The following SYT14 variants were observed in gnomAD, a reference collection of about 807,000 sequenced individuals.
The protein encoded by SYT14 is synaptotagmin-14.
SYT14 carries 32 observed loss-of-function variants against 74.2 expected under a neutral mutation model. The observed-to-expected ratio is 0.43, with a 90% CI of 0.33 to 0.58. The LOEUF (loss-of-function observed/expected upper bound fraction) is 0.58, where lower values mean the gene tolerates loss of function less well. SYT14 is among the 20% of genes least tolerant of loss of function. The pLI, the probability that SYT14 is intolerant of heterozygous loss-of-function variation, is 0.05. For missense variants in SYT14, 791 were observed against 981.8 expected, an observed-to-expected ratio of 0.81 and a Z score of 2.60; for synonymous variants, 298 against 337.7, an observed-to-expected ratio of 0.88 and a Z score of 1.29.
chr1:210,058,365 T>G (rs1194031946), intron 5 of SYT14, among the ~76,000 whole-genome samples: 1 of 152,236 alleles, frequency 6.6e-6, no homozygotes, highest in African/African-American at 2.4e-5. Context: ...GTTACAGCTC[T>G]TCTGCCTCAT....
At chr1:210,030,578 C>A (rs1459930876) in intron 5 of SYT14, among the ~76,000 whole-genome samples, 1 of 152,114 alleles carries the variant, frequency 6.6e-6, no homozygotes. Context: ...CCTTTTATTT[C>A]TTTTTCTTGC....
At chr1:210,087,143 G>C (rs574989722) in intron 5 of SYT14, among the ~76,000 whole-genome samples, 41 of 152,102 alleles carry the variant, frequency 2.7e-4, no homozygotes, top group African/African-American at 8.9e-4. Context: ...CTTCCTGCCT[G>C]AGTTTTAGTA....
chr1:210,157,787 A>T (rs1031392305), intron 8 of SYT14, among the ~76,000 whole-genome samples: 2 of 151,722 alleles, frequency 1.3e-5, no homozygotes, highest in African/African-American at 2.4e-5. Context: ...AATTAAAATT[A>T]AAAAATAAAG....
chr1:210,017,079 C>A, exon 4 of SYT14: 1 of 1,231,618 alleles, frequency 8.1e-7, no homozygotes, highest in South Asian at 4.1e-5. Context: ...GAAAAATATT[C>A]TAAGATAATA....
chr1:209,956,266 C>T (rs909113568), intron 2 of SYT14, among the ~76,000 whole-genome samples: 1 of 123,100 alleles, frequency 8.1e-6, no homozygotes, highest in African/African-American at 3.4e-5. Context: ...CTGTTAGCTG[C>T]TGCACTGAAC....
At position 210,018,009 on chromosome 1, in the gene SYT14, T is replaced by C. The variant is rs553060597; in HGVS notation, c.1096+910T>C. Among the ~76,000 whole-genome samples, 6 of 152,370 alleles carry C rather than the reference T, an allele frequency of 3.9e-5. No individual in the cohort carries two copies. The South Asian group carries it at 1.2e-3, about 32-fold the overall frequency. ...GACTACATACATAATAGGGATCTGC[T>C]ATTTATCTATTATATGAGTGGTTTT... On this transcript the variant is annotated intron_variant, in intron 4 of 9. Coordinates refer to ENST00000637265, the Ensembl canonical transcript of SYT14.
At chr1:209,966,138 G>C (rs749569116) in intron 2 of SYT14, 1 of 326,436 alleles carries the variant, frequency 3.1e-6, no homozygotes, top group Non-Finnish European at 6.0e-6. Flanking sequence ...GCAAAGTGCT[G>C]AGGTTACAGG....
chr1:209,987,674 C>A (rs2079594958), intron 2 of SYT14, among the ~76,000 whole-genome samples: 1 of 152,196 alleles, frequency 6.6e-6, no homozygotes, highest in Non-Finnish European at 1.5e-5. Context: ...TTTTGTGTGA[C>A]TCAAAGTTGT....
At chr1:210,124,162 C>G (rs1242090417) in intron 7 of SYT14, among the ~76,000 whole-genome samples, 2 of 151,178 alleles carry the variant, frequency 1.3e-5, no homozygotes, top group African/African-American at 4.9e-5. Flanking sequence ...TGACAGAGAT[C>G]ATATGCTCAT....
intron 5 of SYT14, among the ~76,000 whole-genome samples, chr1:210,025,725 G>A (rs186155915): frequency 3.9e-5 from 6 of 152,182 alleles, no homozygotes; most frequent in African/African-American, 9.6e-5. Flanking sequence ...TTCCTACTAC[G>A]TGCCTCAGTC....
exon 8 of SYT14, chr1:210,155,873 C>A: frequency 6.2e-7 from 1 of 1,614,116 alleles, no homozygotes; most frequent in Non-Finnish European, 8.5e-7. Flanking sequence ...TGATAAAAGG[C>A]AGCCACTTCA....
At chr1:209,986,482 G>A (rs1032992395) in intron 2 of SYT14, among the ~76,000 whole-genome samples, 4 of 151,966 alleles carry the variant, frequency 2.6e-5, no homozygotes, top group Middle Eastern at 3.4e-3. Context: ...GCGAGGTGGC[G>A]GGCGCCTATA....
At chr1:210,002,625 C>G (rs2079921694) in intron 2 of SYT14, among the ~76,000 whole-genome samples, 2 of 152,062 alleles carry the variant, frequency 1.3e-5, no homozygotes, top group South Asian at 2.1e-4. Flanking sequence ...ATTACAAGAT[C>G]TAAATTTTGG....
intron 5 of SYT14, among the ~76,000 whole-genome samples, chr1:210,065,482 G>A: frequency 6.6e-6 from 1 of 151,854 alleles, no homozygotes; most frequent in East Asian, 1.9e-4. Context: ...CCCCAGCTGT[G>A]CTGAACTGTG....
chr1:210,076,538 G>A (rs934073540), intron 5 of SYT14, among the ~76,000 whole-genome samples: 4 of 152,154 alleles, frequency 2.6e-5, no homozygotes, highest in African/African-American at 4.8e-5. Context: ...AAAGGTGGCT[G>A]TATTAGTCCA....
intron 2 of SYT14, among the ~76,000 whole-genome samples, chr1:209,969,867 G>A (rs1272010802): frequency 6.6e-6 from 1 of 152,038 alleles, no homozygotes; most frequent in Non-Finnish European, 1.5e-5. Context: ...GTCTTCTTTT[G>A]AGAAGTGTCT....
At chr1:210,156,759 T>C (rs2102715662) in intron 8 of SYT14, 1 of 164,744 alleles carries the variant, frequency 6.1e-6, no homozygotes, top group Non-Finnish European at 1.4e-5. Context: ...AATAGCATGA[T>C]CTCGGCTCAC....
intron 5 of SYT14, among the ~76,000 whole-genome samples, chr1:210,030,438 G>A (rs1288914112): frequency 6.6e-6 from 1 of 152,156 alleles, no homozygotes; most frequent in Admixed American, 6.6e-5. Flanking sequence ...ATAGGTGTGA[G>A]CTACTGCACC....
intron 5 of SYT14, among the ~76,000 whole-genome samples, chr1:210,084,279 A>G (rs2081675060): frequency 6.6e-6 from 1 of 152,232 alleles, no homozygotes; most frequent in Non-Finnish European, 1.5e-5. Context: ...TGCTGATTTC[A>G]AAGTGTAAAG....
Sources: gnomAD v4.1 joint callset for allele counts (sites outside exome capture counted in the v4.1 genomes callset) on GRCh38, gnomAD v4.1.1 for gene constraint, MANE v1.5 for transcripts, NCBI Gene and HGNC (gene_info 2026-07-23, HGNC 2026-07-21) for gene names.